The following ARHGAP39 variants were observed in gnomAD, a reference collection of about 807,000 sequenced individuals.
ARHGAP39 encodes the protein rho GTPase-activating protein 39.
A neutral mutation model predicts 106.9 loss-of-function variants in ARHGAP39; 44 were observed. The ratio of observed to expected loss-of-function variants is 0.41; its 90% CI spans 0.32 to 0.53. The LOEUF is 0.53. Among genes scored for constraint, ARHGAP39 ranks in the 20% least tolerant of loss-of-function variants. The probability of loss-of-function intolerance (pLI) is 0.21; values close to 1 mark genes in which losing one functional copy is unlikely to be tolerated. For missense variants in ARHGAP39, 1,496 were observed against 1,577.3 expected, an observed-to-expected ratio of 0.95 and a Z score of 0.87; for synonymous variants, 768 against 693.2, an observed-to-expected ratio of 1.11 and a Z score of -1.69.
chr8:144,675,392 C>T (rs1028098122), intron 1 of ARHGAP39, among the ~76,000 whole-genome samples: 1 of 152,210 alleles, frequency 6.6e-6, no homozygotes, highest in Non-Finnish European at 1.5e-5. Flanking sequence ...AAGCCGCGGA[C>T]CCTCGCGGTG....
At chr8:144,583,807 A>T (rs183941162) in intron 2 of ARHGAP39, among the ~76,000 whole-genome samples, 3 of 152,200 alleles carry the variant, frequency 2.0e-5, no homozygotes, top group African/African-American at 7.2e-5. Flanking sequence ...TGGAAAAAAA[A>T]CCCACATATT....
Position 144,604,502 on chromosome 8 carries a change from C to G in ARHGAP39, c.80+1033G>C, listed in dbSNP as rs919116940. 6.6e-6 allele frequency among the ~76,000 whole-genome samples: 1 copy of G among 152,084 alleles called. No homozygotes were observed. Among genetic ancestry groups the G allele is most frequent in the Non-Finnish European group, 1.5e-5 (1 of 68,010 alleles). ...AAGGGATCTCCTCACCTCAGCCTCC[C>G]GAGTAGCTGAGACCATAGGCATCTG... On this transcript the variant is annotated intron_variant, in intron 2 of 11. Coordinates refer to ENST00000377307, the MANE Select transcript of ARHGAP39 (RefSeq NM_025251.3). The surrounding 1 kb of genome is among the most constrained non-coding windows in gnomAD (Gnocchi z 4.1).
At chr8:144,603,962 C>T (rs183009360) in intron 2 of ARHGAP39, among the ~76,000 whole-genome samples, 21 of 152,300 alleles carry the variant, frequency 1.4e-4, no homozygotes, top group Admixed American at 3.3e-4. Flanking sequence ...GAAGAGCAAG[C>T]GCAATATCAA....
rs781776360 is a variant in ARHGAP39 at position 144,545,289 on chromosome 8, G to C, written c.2481C>G (p.Gly827=). The C allele has an allele frequency of 2.2e-5, 34 of 1,567,734 alleles. No homozygotes were observed. The Middle Eastern group carries it at 2.4e-3, about 111-fold the overall frequency. Residue 827 remains glycine, a synonymous_variant, in exon 6 of 12, where the codon GGC becomes GGG. Coordinates refer to ENST00000377307, the MANE Select transcript of ARHGAP39 (RefSeq NM_025251.3). ...CGGGGTCCATGTGCCGGTAGATGTA[G>C]CCTTCCAGGTAGGAGTGGAACTTGG... ...PTPKFHSYLE[G]YIYRHMDPVN... is the part of the protein sequence containing the mutation.
chr8:144,595,131 A>C (rs1013897683), intron 2 of ARHGAP39, among the ~76,000 whole-genome samples: 2 of 152,198 alleles, frequency 1.3e-5, no homozygotes, highest in African/African-American at 4.8e-5. Flanking sequence ...TTCACACAGA[A>C]ATCTGCACAC....
rs548774482 is a variant in ARHGAP39, at chr8:144,644,332, CAT to C, written c.-81-38639_-81-38638del. Among the ~76,000 whole-genome samples, 297 of 152,242 alleles carry C rather than the reference CAT, an allele frequency of 2.0e-3. No homozygotes were observed. The highest frequency in any genetic ancestry group is 6.8e-3 in the African/African-American group (283 of 41,544). On this transcript the variant is annotated intron_variant, in intron 1 of 11. Transcript: ENST00000377307. The surrounding 1 kb of genome is among the most constrained non-coding windows in gnomAD (Gnocchi z 4.8). ...CAACAAAGTCAGACACAAAAGATGA[CAT>C]ATTGTAGGATTCCATGTCCATGAAG...
rs1278857120 is a variant in ARHGAP39, at chr8:144,614,768, T to C, written c.-81-9073A>G. 2.0e-5 allele frequency among the ~76,000 whole-genome samples: 3 copies of C among 152,244 alleles called. No homozygotes were observed. The East Asian group carries it at 5.8e-4, about 29-fold the overall frequency. On this transcript the variant is annotated intron_variant, in intron 1 of 11. Transcript: ENST00000377307. ...GCAGCATTTATTCTAGGGCTAACTG[T>C]TCTCCACTGGGTACGCTACCACATG...
Position 144,586,570 on chromosome 8 carries a change from C to A in ARHGAP39, c.81-5293G>T, listed in dbSNP as rs1027982548. 6.6e-6 allele frequency: 1 copy of A among 152,300 alleles called. No homozygotes were observed. Among genetic ancestry groups the A allele is most frequent in the African/African-American group, 2.4e-5 (1 of 41,464 alleles). 9.4% of individuals were successfully genotyped at this position (152,300 alleles called of 1,614,324 possible). ...GGCTCCCCTGAGCCATTAGTGACAG[C>A]CTCAGGAGCAGCCTCGGAGTGTGAC... On this transcript the variant is annotated intron_variant, in intron 2 of 11. Transcript: ENST00000377307. The surrounding 1 kb of genome is among the most constrained non-coding windows in gnomAD (Gnocchi z 4.2).
intron 1 of ARHGAP39, among the ~76,000 whole-genome samples, chr8:144,655,012 A>G (rs1416622934): frequency 6.6e-6 from 1 of 152,158 alleles, no homozygotes; most frequent in African/African-American, 2.4e-5. Context: ...TTGCAGACTC[A>G]GAAGTGCTCA....
chr8:144,536,050 G>A (rs1564834592), intron 7 of ARHGAP39, among the ~76,000 whole-genome samples: 1 of 152,134 alleles, frequency 6.6e-6, no homozygotes, highest in Non-Finnish European at 1.5e-5. Context: ...AGGCACCAAG[G>A]TGTCTGCTGA....
chr8:144,653,571 C>A (rs1194091311), intron 1 of ARHGAP39, among the ~76,000 whole-genome samples: 2 of 152,198 alleles, frequency 1.3e-5, no homozygotes, highest in Non-Finnish European at 2.9e-5. Context: ...ATCAGAGACT[C>A]TGAAACACCC....
intron 1 of ARHGAP39, among the ~76,000 whole-genome samples, chr8:144,674,929 G>A (rs1822192310): frequency 1.3e-5 from 2 of 152,218 alleles, no homozygotes; most frequent in African/African-American, 4.8e-5. Flanking sequence ...GAGAGGCCAG[G>A]TAGCGGGAGG....
intron 1 of ARHGAP39, among the ~76,000 whole-genome samples, chr8:144,607,193 G>C (rs1586610017): frequency 7.3e-6 from 1 of 136,458 alleles, no homozygotes; most frequent in African/African-American, 2.9e-5. Flanking sequence ...GGAGGATCCC[G>C]CCACTGCGCT....
chr8:144,600,979 G>A (rs1363490638), intron 2 of ARHGAP39, among the ~76,000 whole-genome samples: 1 of 139,076 alleles, frequency 7.2e-6, no homozygotes, highest in African/African-American at 2.9e-5. Context: ...TGTGCGTGGA[G>A]GTGTGTGTGC....
intron 1 of ARHGAP39, among the ~76,000 whole-genome samples, chr8:144,620,556 C>CAT (rs1554607758): frequency 1.4e-5 from 2 of 145,844 alleles, no homozygotes; most frequent in African/African-American, 5.5e-5. Context: ...TGCCCGTGTG[C>CAT]GTGAGCTTGT....
chr8:144,561,864 CCCAGTGGTTTCCATCACACT>C (rs1564848855), intron 3 of ARHGAP39, among the ~76,000 whole-genome samples: 3 of 138,352 alleles, frequency 2.2e-5, no homozygotes, highest in East Asian at 2.2e-4. Context: ...TTGGACTCAC[CCCAGTGGTTTCCATCACACT>C]CCAGTGGTTT....
intron 1 of ARHGAP39, among the ~76,000 whole-genome samples, chr8:144,629,688 G>A (rs1473670909): frequency 2.0e-5 from 3 of 152,370 alleles, no homozygotes; most frequent in Admixed American, 1.3e-4. Flanking sequence ...AGCAATGAGC[G>A]CCTCTGCCCA....
chr8:144,636,164 C>G (rs1821169061), intron 1 of ARHGAP39, among the ~76,000 whole-genome samples: 1 of 152,146 alleles, frequency 6.6e-6, no homozygotes, highest in Non-Finnish European at 1.5e-5. Flanking sequence ...TAGAGGACAC[C>G]CAGCTGGTGT....
rs1304141190 is a variant in ARHGAP39, at chr8:144,646,149, A to G, written c.-82+39537T>C. Among the ~76,000 whole-genome samples the G allele has an allele frequency of 6.6e-6, 1 of 152,198 alleles. No homozygotes were observed. Among genetic ancestry groups the G allele is most frequent in the Non-Finnish European group, 1.5e-5 (1 of 68,040 alleles). On this transcript the variant is annotated intron_variant, in intron 1 of 11. Transcript: ENST00000377307. The surrounding 1 kb of genome is among the most constrained non-coding windows in gnomAD (Gnocchi z 5.7). ...AAGGACGGACACATCGCAAGCTTGGAGCCTGCTGGAGGAAGGGCACAGGCC... is the reference window on the plus strand; with the variant it reads ...AAGGACGGACACATCGCAAGCTTGGGGCCTGCTGGAGGAAGGGCACAGGCC...
Sources: allele counts gnomAD v4.1 joint callset (sites outside exome capture counted in the v4.1 genomes callset), GRCh38; gene constraint gnomAD v4.1.1; non-coding constraint Gnocchi (gnomAD v3.1); transcripts MANE v1.5; gene names NCBI Gene and HGNC (gene_info 2026-07-23, HGNC 2026-07-21).